Variants in NELL1 observed in about 807,000 individuals in gnomAD.
NELL1 encodes neural EGFL like 1, also known as protein kinase C-binding protein NELL1.
Under a neutral mutation model 107.4 loss-of-function variants are expected in NELL1, and 76 were observed. That is an observed-to-expected ratio of 0.71 (90% CI 0.59 to 0.86). NELL1 has a LOEUF of 0.86. NELL1 is among the 40% of genes least tolerant of loss of function. The pLI, the probability that NELL1 is intolerant of heterozygous loss-of-function variation, is 0.00. For missense variants in NELL1, 1,024 were observed against 1,005.5 expected, an observed-to-expected ratio of 1.02 and a Z score of -0.25; for synonymous variants, 353 against 341.2, an observed-to-expected ratio of 1.03 and a Z score of -0.38.
chr11:20,673,062 A>G (rs1336113166), intron 1 of NELL1, among the ~76,000 whole-genome samples: 1 of 144,968 alleles, frequency 6.9e-6, no homozygotes, highest in Non-Finnish European at 1.5e-5. Context: ...GAGTTTCTTC[A>G]TATTGGTCAG....
At chr11:20,834,346 G>A (rs573207775) in intron 3 of NELL1, among the ~76,000 whole-genome samples, 23 of 152,166 alleles carry the variant, frequency 1.5e-4, no homozygotes, top group Non-Finnish European at 2.5e-4. Context: ...TGAGGCCCAG[G>A]TTTTGGGGAA....
chr11:20,937,210 T>C (rs1425365135), intron 9 of NELL1, among the ~76,000 whole-genome samples: 1 of 152,224 alleles, frequency 6.6e-6, no homozygotes, highest in Non-Finnish European at 1.5e-5. Flanking sequence ...CTGCCCTTCC[T>C]GGCAGCCTTT....
intron 14 of NELL1, among the ~76,000 whole-genome samples, chr11:21,243,733 G>A (rs1390504662): frequency 6.6e-6 from 1 of 152,052 alleles, no homozygotes; most frequent in Non-Finnish European, 1.5e-5. Context: ...CTAGACACAG[G>A]TTAGACACAT....
chr11:21,402,643 CTTT>C (rs76528457), intron 15 of NELL1, among the ~76,000 whole-genome samples: 3 of 143,172 alleles, frequency 2.1e-5, no homozygotes, highest in African/African-American at 2.6e-5. Context: ...AGATCCTTTT[CTTT>C]TTTTTTTTTT....
intron 14 of NELL1, among the ~76,000 whole-genome samples, chr11:21,267,652 C>T (rs563227191): frequency 6.6e-6 from 1 of 151,806 alleles, no homozygotes; most frequent in East Asian, 1.9e-4. Context: ...TCACATCTGT[C>T]ATAGCAGAAG....
intron 15 of NELL1, among the ~76,000 whole-genome samples, chr11:21,522,715 G>T (rs543125678): frequency 1.8e-4 from 27 of 151,622 alleles, no homozygotes; most frequent in African/African-American, 6.5e-4. Flanking sequence ...TTTATACAAA[G>T]AAAATTTTCA....
At chr11:21,036,545 C>T (rs1282829339) in intron 12 of NELL1, among the ~76,000 whole-genome samples, 1 of 152,046 alleles carries the variant, frequency 6.6e-6, no homozygotes, top group Non-Finnish European at 1.5e-5. Flanking sequence ...CCCATATTCT[C>T]TATTTTCTCT....
intron 3 of NELL1, among the ~76,000 whole-genome samples, chr11:20,789,318 C>T (rs946165825): frequency 2.0e-5 from 3 of 152,210 alleles, no homozygotes; most frequent in African/African-American, 7.2e-5. Flanking sequence ...ACACCGGCTG[C>T]TGCCACGGGG....
chr11:20,682,351 G>A (rs552987893), intron 2 of NELL1, among the ~76,000 whole-genome samples: 12 of 149,458 alleles, frequency 8.0e-5, no homozygotes, highest in East Asian at 5.9e-4. Context: ...TTATTTCAAC[G>A]TATGGTCAAC....
chr11:21,443,987 T>G (rs1853356814), intron 15 of NELL1, among the ~76,000 whole-genome samples: 1 of 152,170 alleles, frequency 6.6e-6, no homozygotes, highest in Non-Finnish European at 1.5e-5. Flanking sequence ...CTTTTTCCAC[T>G]AACTAGAGAT....
chr11:20,839,911 C>A (rs2134047918), intron 3 of NELL1, among the ~76,000 whole-genome samples: 1 of 152,250 alleles, frequency 6.6e-6, no homozygotes, highest in Non-Finnish European at 1.5e-5. Context: ...GACCTGGAAC[C>A]CAAAGATATC....
chr11:21,238,319 A>G (rs1858262586), intron 14 of NELL1, among the ~76,000 whole-genome samples: 1 of 151,958 alleles, frequency 6.6e-6, no homozygotes, highest in East Asian at 1.9e-4. Context: ...TCATCTCTCC[A>G]TGGAATATTG....
chr11:21,287,452 A>G (rs913714839), intron 14 of NELL1, among the ~76,000 whole-genome samples: 8 of 152,172 alleles, frequency 5.3e-5, no homozygotes, highest in African/African-American at 1.9e-4. Context: ...TTTTTTCTGT[A>G]AAAGAAAGGC....
At chr11:21,169,770 T>C in intron 13 of NELL1, 1 of 1,235,778 alleles carries the variant, frequency 8.1e-7, no homozygotes. Flanking sequence ...GAGGTGGCGG[T>C]GGAGTCCCTC....
chr11:20,718,680 G>T (rs1855309293), intron 2 of NELL1, among the ~76,000 whole-genome samples: 1 of 152,078 alleles, frequency 6.6e-6, no homozygotes, highest in African/African-American at 2.4e-5. Flanking sequence ...CTTCAGACTG[G>T]ATTTCTGTGC....
chr11:20,789,750 C>A (rs1857038241), intron 3 of NELL1, among the ~76,000 whole-genome samples: 1 of 152,180 alleles, frequency 6.6e-6, no homozygotes, highest in South Asian at 2.1e-4. Flanking sequence ...AGCTCCTTTC[C>A]TCAGCCAGGG....
chr11:21,124,212 A>G (rs1351857384), intron 13 of NELL1, among the ~76,000 whole-genome samples: 1 of 152,206 alleles, frequency 6.6e-6, no homozygotes, highest in Non-Finnish European at 1.5e-5. Flanking sequence ...AAATATTAGA[A>G]AGCAGAAAAT....
chr11:20,792,591 A>G, intron 3 of NELL1, among the ~76,000 whole-genome samples: 1 of 151,970 alleles, frequency 6.6e-6, no homozygotes, highest in East Asian at 1.9e-4. Context: ...TTTATTAAAT[A>G]TCTTTTCAGT....
chr11:21,196,883 CT>C (rs200792090), intron 13 of NELL1, among the ~76,000 whole-genome samples: 10,486 of 136,144 alleles, frequency 0.077, 332 homozygotes, highest in East Asian at 0.14. Context: ...CTTTTCTTTT[CT>C]TTTTTTTTTT....
Sources: allele counts gnomAD v4.1 joint callset (sites outside exome capture counted in the v4.1 genomes callset), GRCh38; gene constraint gnomAD v4.1.1; transcripts MANE v1.5; gene names NCBI Gene and HGNC (gene_info 2026-07-23, HGNC 2026-07-21).